Variants in EVI5 observed in about 807,000 individuals in gnomAD.
EVI5 encodes the protein ecotropic viral integration site 5 protein homolog.
EVI5 carries 73 observed loss-of-function variants against 112.0 expected under a neutral mutation model. The ratio of observed to expected loss-of-function variants is 0.65; its 90% CI spans 0.54 to 0.79. The LOEUF (loss-of-function observed/expected upper bound fraction) is 0.79. Among genes scored for constraint, EVI5 ranks in the 30% least tolerant of loss-of-function variants. EVI5 has a pLI of 0.00. For missense variants in EVI5, 900 were observed against 968.8 expected, an observed-to-expected ratio of 0.93 and a Z score of 0.94; for synonymous variants, 305 against 319.9, an observed-to-expected ratio of 0.95 and a Z score of 0.50.
chr1:92,734,667 A>G lies in EVI5; in HGVS notation c.149+1731T>C, dbSNP rs1008482960. Among the ~76,000 whole-genome samples the G allele has an allele frequency of 2.7e-5, 4 of 146,464 alleles. No homozygotes were observed. The East Asian group carries it at 8.4e-4, about 31-fold the overall frequency. ...TTAAAGGAGTAAACTTGGAATGCTC[A>G]AAGATAAATAAAATAAGATAAAACT... On this transcript the variant is annotated intron_variant, in intron 2 of 19. Coordinates refer to ENST00000684568, the MANE Select transcript of EVI5 (RefSeq NM_001350197.2).
intron 16 of EVI5, among the ~76,000 whole-genome samples, chr1:92,614,741 G>A (rs931245843): frequency 6.7e-6 from 1 of 150,202 alleles, no homozygotes; most frequent in Admixed American, 6.6e-5. Flanking sequence ...GGGATCTTGC[G>A]ATCGTGTAAG....
intron 18 of EVI5, among the ~76,000 whole-genome samples, chr1:92,576,685 T>A (rs1268481738): frequency 6.6e-6 from 1 of 152,180 alleles, no homozygotes; most frequent in African/African-American, 2.4e-5. Flanking sequence ...TTACCTGTAG[T>A]TTAAGACATC....
chr1:92,539,080 A>G (rs1278390957), intron 19 of EVI5, among the ~76,000 whole-genome samples: 1 of 152,204 alleles, frequency 6.6e-6, no homozygotes, highest in Non-Finnish European at 1.5e-5. Context: ...ATTTTGTGGT[A>G]TAGCTGGAAC....
intron 1 of EVI5, among the ~76,000 whole-genome samples, chr1:92,768,986 C>T (rs1683029117): frequency 6.6e-6 from 1 of 152,162 alleles, no homozygotes; most frequent in Non-Finnish European, 1.5e-5. Context: ...AAATGTTTAG[C>T]TTTTCACTCT....
At chr1:92,687,727 G>T (rs1320466301) in intron 9 of EVI5, among the ~76,000 whole-genome samples, 1 of 152,146 alleles carries the variant, frequency 6.6e-6, no homozygotes, top group East Asian at 1.9e-4. Flanking sequence ...GTGGGCCAAG[G>T]ATATGAACAA....
rs935233650 is a variant in EVI5 at position 92,605,472 on chromosome 1, T to A, written c.1975-70A>T. On this transcript the variant is annotated intron_variant, in intron 17 of 19. Coordinates refer to ENST00000684568, the MANE Select transcript of EVI5 (RefSeq NM_001350197.2). Reference sequence around the variant, plus strand: ...TGGAATTCAGATTTTAGAAAAGTAATAGGTTGCATAAACCATACGTTAAGT... The same window carrying A: ...TGGAATTCAGATTTTAGAAAAGTAAAAGGTTGCATAAACCATACGTTAAGT... 85 of 1,016,976 alleles carry A rather than the reference T, an allele frequency of 8.4e-5. No homozygotes were observed. In the East Asian group the frequency reaches 2.0e-3, roughly 23 times the overall value. The allele number at this position is 1,016,976 out of a possible 1,614,324, so 63.0% of individuals were successfully genotyped here.
Position 92,509,333 on chromosome 1 carries a change from T to C in EVI5, c.*4323A>G, listed in dbSNP as rs970363431. ...ATGTTCAGAATTGAGAAAAAGTTTTTCTCCTTCCCAAATAACTGGCTGATT... is the reference window on the plus strand; with the variant it reads ...ATGTTCAGAATTGAGAAAAAGTTTTCCTCCTTCCCAAATAACTGGCTGATT... On this transcript the variant is annotated 3_prime_UTR_variant, in exon 20 of 20. Coordinates refer to ENST00000684568, the MANE Select transcript of EVI5 (RefSeq NM_001350197.2). The C allele has an allele frequency of 4.6e-5, 7 of 152,576 alleles. No individual in the cohort carries two copies. Among genetic ancestry groups the C allele is most frequent in the African/African-American group, 1.7e-4 (7 of 41,408 alleles). 9.5% of individuals were successfully genotyped at this position (152,576 alleles called of 1,614,324 possible). A position where few individuals can be genotyped will look rare whatever the true frequency, so the allele number is the denominator to read the frequency against.
intron 1 of EVI5, among the ~76,000 whole-genome samples, chr1:92,751,462 T>C (rs1680186689): frequency 6.6e-6 from 1 of 152,180 alleles, no homozygotes. Flanking sequence ...ACTTGCTCCA[T>C]TCTGGACTAG....
At position 92,677,228 on chromosome 1, in the gene EVI5, G is replaced by GAA; in HGVS notation, c.1098-12_1098-11dup. The GAA allele has an allele frequency of 4.3e-6, 6 of 1,405,424 alleles. No individual in the cohort carries two copies. The highest frequency in any genetic ancestry group is 2.2e-5 in the Admixed American group (1 of 45,334). The allele number at this position is 1,405,424 out of a possible 1,614,324, so 87.1% of individuals were successfully genotyped here. A position where few individuals can be genotyped will look rare whatever the true frequency, so the allele number is the denominator to read the frequency against. On this transcript the variant is annotated splice_polypyrimidine_tract_variant and intron_variant, in intron 9 of 19. Coordinates refer to ENST00000684568, the MANE Select transcript of EVI5 (RefSeq NM_001350197.2). ...GTATTCCTTTTCAAGCCTAAGAAAGGAAAAAAAAAGAGTTAAAGGTAATGT... is the reference window on the plus strand; with the variant it reads ...GTATTCCTTTTCAAGCCTAAGAAAGGAAAAAAAAAAAGAGTTAAAGGTAATGT...
At chr1:92,643,923 G>A (rs79538620) in intron 13 of EVI5, among the ~76,000 whole-genome samples, 14 of 31,190 alleles carry the variant, frequency 4.5e-4, no homozygotes, top group Admixed American at 1.9e-3. Flanking sequence ...AAGAAAAAAA[G>A]AGAAAGATTC....
intron 8 of EVI5, 49 bp from the exon 9 acceptor site, chr1:92,693,948 T>C (rs201207028): frequency 8.9e-5 from 98 of 1,105,538 alleles, no homozygotes; most frequent in Non-Finnish European, 1.3e-4. Context: ...GTGCTGTTAA[T>C]AGTGAAATCC....
intron 16 of EVI5, among the ~76,000 whole-genome samples, chr1:92,619,713 G>A: frequency 6.6e-6 from 1 of 151,030 alleles, no homozygotes; most frequent in Non-Finnish European, 1.5e-5. Context: ...TTGGGCTCAG[G>A]AGTTCGAGAC....
intron 9 of EVI5, among the ~76,000 whole-genome samples, chr1:92,686,374 C>T (rs1201014156): frequency 1.3e-5 from 2 of 152,130 alleles, no homozygotes; most frequent in East Asian, 1.9e-4. Flanking sequence ...TCTCAATAAA[C>T]TAGGTATTGA....
At chr1:92,520,254 A>G in intron 19 of EVI5, among the ~76,000 whole-genome samples, 1 of 152,102 alleles carries the variant, frequency 6.6e-6, no homozygotes, top group Non-Finnish European at 1.5e-5. Flanking sequence ...CCCTCATAAC[A>G]CCATCTTGGA....
At chr1:92,598,339 C>T (rs916734379) in intron 18 of EVI5, among the ~76,000 whole-genome samples, 2 of 152,048 alleles carry the variant, frequency 1.3e-5, no homozygotes, top group African/African-American at 4.8e-5. Flanking sequence ...GTACAACAAA[C>T]CCCCATGACA....
intron 13 of EVI5, among the ~76,000 whole-genome samples, chr1:92,643,287 A>C (rs1660326282): frequency 7.8e-6 from 1 of 127,816 alleles, no homozygotes; most frequent in African/African-American, 2.9e-5. Flanking sequence ...AAATTAACTC[A>C]AATCTTTTTT....
chr1:92,516,770 C>A (rs1659957338), intron 19 of EVI5, among the ~76,000 whole-genome samples: 1 of 152,064 alleles, frequency 6.6e-6, no homozygotes, highest in Non-Finnish European at 1.5e-5. Flanking sequence ...TCCTGGCTAT[C>A]TGATCTAAAT....
chr1:92,524,400 T>C (rs922817326), intron 19 of EVI5, among the ~76,000 whole-genome samples: 1 of 152,264 alleles, frequency 6.6e-6, no homozygotes, highest in Non-Finnish European at 1.5e-5. Context: ...TCCACTGTCA[T>C]ATTTTTAAAA....
rs3042578 is a variant in EVI5 at position 92,747,716 on chromosome 1, C to CAAAAAAAAAAA, written c.-81-11100_-81-11090dup. ...GTGACAGAGCCAGACTCCATCTCAC[C>CAAAAAAAAAAA]AAAAAAAAAAACAAAAAAAAAAACC... On this transcript the variant is annotated intron_variant, in intron 1 of 19. Coordinates refer to ENST00000684568, the MANE Select transcript of EVI5 (RefSeq NM_001350197.2). 1.8e-4 allele frequency among the ~76,000 whole-genome samples: 15 copies of CAAAAAAAAAAA among 83,550 alleles called. 7 individuals carry two copies. Among genetic ancestry groups the CAAAAAAAAAAA allele is most frequent in the Non-Finnish European group, 1.8e-4 (8 of 45,708 alleles). 54.8% of individuals were successfully genotyped at this position (83,550 alleles called of 152,430 possible).
Sources: gnomAD v4.1 joint callset for allele counts (sites outside exome capture counted in the v4.1 genomes callset) on GRCh38, gnomAD v4.1.1 for gene constraint, MANE v1.5 for transcripts, NCBI Gene and HGNC (gene_info 2026-07-23, HGNC 2026-07-21) for gene names.